NNT: variants seen among roughly 807,000 people sequenced by gnomAD.
The protein encoded by NNT is nicotinamide nucleotide transhydrogenase, also known as NAD(P) transhydrogenase, mitochondrial.
A neutral mutation model predicts 104.8 loss-of-function variants in NNT; 50 were observed. That is an observed-to-expected ratio of 0.48 (90% CI 0.38 to 0.60). The LOEUF (loss-of-function observed/expected upper bound fraction) is 0.60, where lower values mean the gene tolerates loss of function less well. Ranked by LOEUF, NNT falls within the 20% of genes least tolerant of loss-of-function variation. The probability of loss-of-function intolerance (pLI) is 0.00; values close to 1 mark genes in which losing one functional copy is unlikely to be tolerated. For synonymous variants in NNT, 461 were observed against 490.4 expected (o/e 0.94, Z 0.79); for missense variants, 1,131 against 1,330.7 (o/e 0.85, Z 2.33).
intron 19 of NNT, among the ~76,000 whole-genome samples, chr5:43,698,589 T>A (rs563613399): frequency 6.6e-6 from 1 of 152,096 alleles, no homozygotes; most frequent in Non-Finnish European, 1.5e-5. Context: ...ATATTAGAAG[T>A]ATTTTGGTCT....
chr5:43,657,646 C>A (rs1269177152), intron 16 of NNT, among the ~76,000 whole-genome samples: 1 of 152,104 alleles, frequency 6.6e-6, no homozygotes, highest in Non-Finnish European at 1.5e-5. Context: ...GTGATCATGG[C>A]AGTTAGGTCA....
chr5:43,653,870 G>T (rs967359988), intron 14 of NNT, among the ~76,000 whole-genome samples: 2 of 151,684 alleles, frequency 1.3e-5, no homozygotes, highest in South Asian at 2.1e-4. Flanking sequence ...CATGATAATC[G>T]CTTGAACCTG....
At chr5:43,703,449 T>C (rs1429838329) in intron 21 of NNT, among the ~76,000 whole-genome samples, 2 of 151,430 alleles carry the variant, frequency 1.3e-5, no homozygotes, top group East Asian at 3.8e-4. Context: ...ATAAAATATA[T>C]TTGTTTATGT....
chr5:43,680,879 G>C (rs1161857535), intron 19 of NNT, among the ~76,000 whole-genome samples: 1 of 152,028 alleles, frequency 6.6e-6, no homozygotes, highest in Non-Finnish European at 1.5e-5. Flanking sequence ...ATCTTACGAC[G>C]TAAGAGCCAC....
intron 11 of NNT, among the ~76,000 whole-genome samples, chr5:43,649,675 G>T (rs1263868400): frequency 1.3e-5 from 2 of 151,784 alleles, no homozygotes; most frequent in Non-Finnish European, 2.9e-5. Flanking sequence ...GCTCTCCTTG[G>T]ATTCAACTCA....
intron 17 of NNT, among the ~76,000 whole-genome samples, chr5:43,666,036 G>A (rs970833370): frequency 4.6e-5 from 7 of 152,008 alleles, no homozygotes; most frequent in African/African-American, 1.5e-4. Context: ...CAGACGATGG[G>A]CGGCCGGGCA....
At chr5:43,652,940 G>A (rs1739839554) in intron 13 of NNT, 78 bp from the exon 14 acceptor site, 2 of 1,076,216 alleles carry the variant, frequency 1.9e-6, no homozygotes, top group Non-Finnish European at 2.7e-6. Flanking sequence ...TTCCTAATTG[G>A]CAGGAAAATA....
At chr5:43,647,466 AATGAAAGG>A (rs1739514564) in intron 10 of NNT, among the ~76,000 whole-genome samples, 1 of 152,212 alleles carries the variant, frequency 6.6e-6, no homozygotes, top group Non-Finnish European at 1.5e-5. Context: ...TATTCCAGTG[AATGAAAGG>A]ATGAACTTAT....
intron 19 of NNT, among the ~76,000 whole-genome samples, chr5:43,696,648 G>T (rs554382088): frequency 6.6e-6 from 1 of 152,350 alleles, no homozygotes; most frequent in East Asian, 1.9e-4. Context: ...CCCCGTGGCA[G>T]ACTTCTGCCT....
At chr5:43,637,565 G>C (rs988129530) in intron 7 of NNT, among the ~76,000 whole-genome samples, 3 of 152,060 alleles carry the variant, frequency 2.0e-5, no homozygotes, top group Admixed American at 2.0e-4. Context: ...GTGGATAGGT[G>C]TGGGCTGGGA....
chr5:43,663,140 A>AGCTC (rs1740460021), intron 17 of NNT, among the ~76,000 whole-genome samples: 1 of 152,124 alleles, frequency 6.6e-6, no homozygotes, highest in African/African-American at 2.4e-5. Context: ...AGCTCCTAGT[A>AGCTC]TTATAGCAAA....
intron 19 of NNT, among the ~76,000 whole-genome samples, chr5:43,683,590 C>G (rs1438707587): frequency 6.6e-6 from 1 of 152,162 alleles, no homozygotes; most frequent in Non-Finnish European, 1.5e-5. Context: ...ACTCTTTGAG[C>G]TGAGTTTTTA....
Position 43,640,657 on chromosome 5 carries a change from CT to C in NNT, c.965-3526del, listed in dbSNP as rs796219111. The stretch of plus-strand genomic sequence containing the variant: ...CTCTCCACATCATACTAAGAGTGAA[CT>C]TTTTTTTTATTTGTTTTTACTGTTT... On this transcript the variant is annotated intron_variant, in intron 7 of 21. Coordinates refer to ENST00000344920, the MANE Select transcript of NNT (RefSeq NM_182977.3). 6.8e-4 allele frequency among the ~76,000 whole-genome samples: 102 copies of C among 150,614 alleles called. 1 individual carries two copies. The highest frequency in any genetic ancestry group is 8.3e-4 in the African/African-American group (34 of 41,116).
At chr5:43,620,210 T>C (rs1750005074) in intron 5 of NNT, among the ~76,000 whole-genome samples, 1 of 152,112 alleles carries the variant, frequency 6.6e-6, no homozygotes, top group African/African-American at 2.4e-5. Flanking sequence ...GGTTACAGGT[T>C]AACTGGTGCT....
chr5:43,666,912 A>C (rs924714369), intron 17 of NNT: 1 of 1,576,446 alleles, frequency 6.3e-7, no homozygotes, highest in East Asian at 2.2e-5. Flanking sequence ...AGGCACAAAC[A>C]CGCTTCCCAA....
intron 21 of NNT, among the ~76,000 whole-genome samples, chr5:43,703,951 A>G (rs1307558266): frequency 6.6e-6 from 1 of 152,216 alleles, no homozygotes; most frequent in East Asian, 1.9e-4. Flanking sequence ...AAAATGGTAT[A>G]CATGGTCTTT....
At chr5:43,616,436 T>G (rs956288987) in intron 4 of NNT, among the ~76,000 whole-genome samples, 2 of 152,180 alleles carry the variant, frequency 1.3e-5, no homozygotes, top group Non-Finnish European at 2.9e-5. Flanking sequence ...TAGTGACAAT[T>G]TCATGTGGTT....
At chr5:43,667,036 C>T (rs1740740859) in intron 17 of NNT, 1 of 1,596,882 alleles carries the variant, frequency 6.3e-7, no homozygotes, top group Admixed American at 1.7e-5. Flanking sequence ...GGCACGTGCA[C>T]TCATGGCCTT....
At chr5:43,619,689 A>G (rs143889222) in intron 5 of NNT, among the ~76,000 whole-genome samples, 19 of 152,320 alleles carry the variant, frequency 1.2e-4, no homozygotes, top group African/African-American at 3.4e-4. Context: ...CTTCAATCCT[A>G]TGTACACTCA....
Sources: gnomAD v4.1 joint callset for allele counts (sites outside exome capture counted in the v4.1 genomes callset) on GRCh38, gnomAD v4.1.1 for gene constraint, MANE v1.5 for transcripts, NCBI Gene and HGNC (gene_info 2026-07-23, HGNC 2026-07-21) for gene names.